The following TCF12 variants were observed in gnomAD, a reference collection of about 807,000 sequenced individuals.
TCF12 encodes transcription factor 12, also known as DNA-binding protein HTF4.
TCF12 carries 45 observed loss-of-function variants against 86.0 expected under a neutral mutation model. That is an observed-to-expected ratio of 0.52 (90% confidence interval 0.41 to 0.67). The LOEUF (loss-of-function observed/expected upper bound fraction) is 0.67. Among genes scored for constraint, TCF12 ranks in the 30% least tolerant of loss-of-function variants. The pLI is 0.00. For synonymous variants in TCF12, 330 were observed against 299.6 expected (o/e 1.10, Z -1.05); for missense variants, 881 against 859.9 (o/e 1.02, Z -0.31).
At chr15:56,926,832 A>G (rs946535019) in intron 3 of TCF12, among the ~76,000 whole-genome samples, 2 of 152,230 alleles carry the variant, frequency 1.3e-5, no homozygotes, top group South Asian at 2.1e-4. Context: ...CGTTATCCTT[A>G]TAAGGTTGTT....
intron 3 of TCF12, among the ~76,000 whole-genome samples, chr15:57,040,640 G>T (rs1301248147): frequency 6.6e-6 from 1 of 152,188 alleles, no homozygotes; most frequent in African/African-American, 2.4e-5. Context: ...TTACCCTATG[G>T]TTTATTTATT....
chr15:56,921,172 A>G (rs1465273316), intron 3 of TCF12, 74 bp downstream of exon 3: 4 of 1,135,966 alleles, frequency 3.5e-6, no homozygotes, highest in South Asian at 3.6e-5. Flanking sequence ...TAGAAAGCAT[A>G]ACATTTAAAT....
At chr15:57,123,948 G>A (rs1198903535) in intron 5 of TCF12, among the ~76,000 whole-genome samples, 3 of 118,128 alleles carry the variant, frequency 2.5e-5, no homozygotes, top group African/African-American at 6.1e-5. Context: ...CAGCCTGGGC[G>A]ACAGAGTGAG....
At chr15:57,173,705 C>G (rs961359976) in intron 6 of TCF12, among the ~76,000 whole-genome samples, 3 of 151,128 alleles carry the variant, frequency 2.0e-5, no homozygotes, top group South Asian at 2.1e-4. Flanking sequence ...CCATGTATAT[C>G]TTTTTTTCTT....
intron 12 of TCF12, among the ~76,000 whole-genome samples, chr15:57,236,919 C>G (rs16977338): frequency 0.029 from 4,361 of 151,882 alleles, 72 homozygotes; most frequent in Non-Finnish European, 0.045. Flanking sequence ...ATGTGTTTCC[C>G]TGAACATTTG....
intron 3 of TCF12, among the ~76,000 whole-genome samples, chr15:57,048,681 G>A (rs940641896): frequency 2.0e-5 from 3 of 151,900 alleles, no homozygotes; most frequent in East Asian, 1.9e-4. Context: ...GGTTTGTATC[G>A]AGTTACAATT....
chr15:56,977,976 C>T (rs1410874890), intron 3 of TCF12, among the ~76,000 whole-genome samples: 1 of 152,090 alleles, frequency 6.6e-6, no homozygotes, highest in Non-Finnish European at 1.5e-5. Context: ...CGGGACCACT[C>T]TTTGACAACC....
chr15:57,079,030 CATT>C (rs1453504048), intron 4 of TCF12, among the ~76,000 whole-genome samples: 3 of 152,122 alleles, frequency 2.0e-5, no homozygotes, highest in Non-Finnish European at 2.9e-5. Flanking sequence ...GTAATTAACT[CATT>C]ATATTTTCGT....
chr15:57,254,128 G>C (rs939059797), intron 16 of TCF12, among the ~76,000 whole-genome samples: 3 of 152,098 alleles, frequency 2.0e-5, no homozygotes, highest in Non-Finnish European at 4.4e-5. Flanking sequence ...TTTTGAACCT[G>C]CTATTTTAAA....
At chr15:57,020,502 T>G (rs957453907) in intron 3 of TCF12, among the ~76,000 whole-genome samples, 7 of 152,230 alleles carry the variant, frequency 4.6e-5, no homozygotes, top group Admixed American at 2.0e-4. Flanking sequence ...TTATTTAACC[T>G]GTTGCCTAAT....
In TCF12 at chr15:57,166,385, A is replaced by G. The variant is rs1179920494; in HGVS notation, c.326-17A>G. 1.8e-5 allele frequency: 29 copies of G among 1,607,576 alleles called. No individual in the cohort carries two copies. Among genetic ancestry groups the G allele is most frequent in the Non-Finnish European group, 2.5e-5 (29 of 1,176,404 alleles). On this transcript the variant is annotated splice_polypyrimidine_tract_variant and intron_variant, in intron 5 of 20. Coordinates refer to ENST00000333725, the MANE Select transcript of TCF12 (RefSeq NM_207037.2). ...AAATGAAGGGTTTTATATAAAGTTA[A>G]TTTCTTTGTTTTATAGGAAAAACAT...
chr15:57,080,783 T>C (rs1773545790), intron 4 of TCF12, among the ~76,000 whole-genome samples: 2 of 152,218 alleles, frequency 1.3e-5, no homozygotes, highest in South Asian at 4.1e-4. Flanking sequence ...GAATATTAAT[T>C]CTTAACTATA....
intron 5 of TCF12, among the ~76,000 whole-genome samples, chr15:57,101,307 G>A (rs1187603809): frequency 6.6e-6 from 1 of 152,092 alleles, no homozygotes; most frequent in African/African-American, 2.4e-5. Context: ...CCAGGCTCCA[G>A]TGATCCTCCC....
At chr15:56,974,925 T>G (rs1487180335) in intron 3 of TCF12, among the ~76,000 whole-genome samples, 1 of 152,156 alleles carries the variant, frequency 6.6e-6, no homozygotes, top group Admixed American at 6.5e-5. Context: ...CTTTTGTAGT[T>G]AAGCCATTTA....
At chr15:57,196,886 A>G (rs967758327) in intron 7 of TCF12, among the ~76,000 whole-genome samples, 1 of 152,186 alleles carries the variant, frequency 6.6e-6, no homozygotes, top group Non-Finnish European at 1.5e-5. Flanking sequence ...CAATGCCCAT[A>G]TTTAATAGTT....
chr15:57,238,937 C>G (rs147132365), intron 12 of TCF12, among the ~76,000 whole-genome samples: 10 of 152,162 alleles, frequency 6.6e-5, no homozygotes, highest in African/African-American at 2.4e-4. Flanking sequence ...GACATTGGAA[C>G]TGAGCTTTGA....
chr15:57,228,984 A>G (rs1279272061), intron 8 of TCF12, among the ~76,000 whole-genome samples: 1 of 152,018 alleles, frequency 6.6e-6, no homozygotes, highest in Non-Finnish European at 1.5e-5. Context: ...ATCAAGGATG[A>G]TGTGTATAGT....
chr15:57,050,425 A>G (rs781607555), intron 3 of TCF12, among the ~76,000 whole-genome samples: 4 of 152,142 alleles, frequency 2.6e-5, no homozygotes, highest in Non-Finnish European at 4.4e-5. Context: ...AAGTCTTCGT[A>G]TCATTTTGCT....
At chr15:57,038,048 G>T (rs1382064898) in intron 3 of TCF12, among the ~76,000 whole-genome samples, 1 of 152,118 alleles carries the variant, frequency 6.6e-6, no homozygotes, top group Non-Finnish European at 1.5e-5. Context: ...ACAAAATTAA[G>T]TGGAAAAATT....
Sources: allele counts gnomAD v4.1 joint callset (sites outside exome capture counted in the v4.1 genomes callset), GRCh38; gene constraint gnomAD v4.1.1; transcripts MANE v1.5; gene names NCBI Gene and HGNC (gene_info 2026-07-23, HGNC 2026-07-21).